ANO6: variants seen among roughly 807,000 people sequenced by gnomAD.
ANO6 encodes the protein anoctamin-6.
A neutral mutation model predicts 117.5 loss-of-function variants in ANO6; 106 were observed. The ratio of observed to expected loss-of-function variants is 0.90; its 90% CI spans 0.77 to 1.06. The LOEUF (loss-of-function observed/expected upper bound fraction) is 1.06, where lower values mean the gene tolerates loss of function less well. Among genes scored for constraint, ANO6 ranks in the 50% least tolerant of loss-of-function variants. The pLI, the probability that ANO6 is intolerant of heterozygous loss-of-function variation, is 0.00. For missense variants in ANO6, 955 were observed against 1,121.1 expected, an observed-to-expected ratio of 0.85 and a Z score of 2.12; for synonymous variants, 367 against 385.1, an observed-to-expected ratio of 0.95 and a Z score of 0.55.
chr12:45,220,816 C>A (rs1195521326), intron 1 of ANO6, among the ~76,000 whole-genome samples: 1 of 152,158 alleles, frequency 6.6e-6, no homozygotes, highest in Non-Finnish European at 1.5e-5. Flanking sequence ...GTTTGGACTT[C>A]CAGCCCCATC....
At chr12:45,392,929 A>C (rs1400338008) in intron 12 of ANO6, among the ~76,000 whole-genome samples, 1 of 152,212 alleles carries the variant, frequency 6.6e-6, no homozygotes, top group East Asian at 1.9e-4. Flanking sequence ...AAATCAGAGC[A>C]TCTCTTCCCC....
At chr12:45,274,985 A>C (rs576335989) in intron 1 of ANO6, among the ~76,000 whole-genome samples, 19 of 151,108 alleles carry the variant, frequency 1.3e-4, no homozygotes, top group Non-Finnish European at 2.4e-4. Context: ...TTTATCTCCA[A>C]CTGAAATTAG....
chr12:45,397,767 T>C (rs878856335), intron 12 of ANO6, among the ~76,000 whole-genome samples: 3 of 152,108 alleles, frequency 2.0e-5, no homozygotes, highest in South Asian at 2.1e-4. Flanking sequence ...TTCTCACTCA[T>C]AGGTGGGAAT....
intron 1 of ANO6, among the ~76,000 whole-genome samples, chr12:45,300,161 A>C (rs1939433336): frequency 1.3e-5 from 2 of 152,106 alleles, no homozygotes; most frequent in African/African-American, 2.4e-5. Flanking sequence ...GATAAATCAC[A>C]CACAATAAAA....
intron 1 of ANO6, among the ~76,000 whole-genome samples, chr12:45,220,917 C>T (rs901503980): frequency 2.6e-5 from 4 of 152,204 alleles, no homozygotes; most frequent in Middle Eastern, 3.2e-3. Context: ...TGTAATAAAG[C>T]CTCCATAAGA....
chr12:45,258,399 T>C (rs1937910929), intron 1 of ANO6, among the ~76,000 whole-genome samples: 1 of 152,182 alleles, frequency 6.6e-6, no homozygotes, highest in Non-Finnish European at 1.5e-5. Context: ...TTCTTGCCTT[T>C]TCTCCATTTT....
chr12:45,328,691 G>T (rs1359712742), intron 2 of ANO6, among the ~76,000 whole-genome samples: 1 of 152,004 alleles, frequency 6.6e-6, no homozygotes, highest in Non-Finnish European at 1.5e-5. Flanking sequence ...TATGTACCTG[G>T]ATTCACAATT....
chr12:45,292,496 T>A (rs1014424033), intron 1 of ANO6, among the ~76,000 whole-genome samples: 4 of 152,202 alleles, frequency 2.6e-5, no homozygotes, highest in African/African-American at 9.7e-5. Flanking sequence ...TGCAATAAAT[T>A]TTTTTAAGAT....
At chr12:45,289,783 T>C (rs1009487223) in intron 1 of ANO6, among the ~76,000 whole-genome samples, 1 of 152,194 alleles carries the variant, frequency 6.6e-6, no homozygotes, top group Non-Finnish European at 1.5e-5. Flanking sequence ...AGTCAATTAG[T>C]TTTTCATTTG....
chr12:45,391,570 TA>T (rs376796701), intron 12 of ANO6, among the ~76,000 whole-genome samples: 11 of 149,726 alleles, frequency 7.3e-5, no homozygotes, highest in Admixed American at 3.3e-4. Flanking sequence ...TCAAAAACAT[TA>T]AAAAAAAAAT....
intron 3 of ANO6, among the ~76,000 whole-genome samples, chr12:45,332,131 CA>C (rs1444364671): frequency 4.9e-4 from 74 of 152,150 alleles, no homozygotes; most frequent in African/African-American, 1.6e-3. Flanking sequence ...GGTTTATAAA[CA>C]ACTCCCTGGA....
intron 1 of ANO6, among the ~76,000 whole-genome samples, chr12:45,245,136 T>A (rs553095928): frequency 4.9e-4 from 74 of 152,288 alleles, no homozygotes; most frequent in Non-Finnish European, 9.1e-4. Context: ...TCTGATGAAA[T>A]TATGTATGTG....
intron 1 of ANO6, among the ~76,000 whole-genome samples, chr12:45,294,980 T>C (rs1452617661): frequency 6.6e-6 from 1 of 152,202 alleles, no homozygotes; most frequent in East Asian, 1.9e-4. Context: ...CATATATATG[T>C]CAGCTTATTC....
Position 45,421,642 on chromosome 12 carries a change from G to A in ANO6, c.2420+369G>A, listed in dbSNP as rs113139320. On this transcript the variant is annotated intron_variant, in intron 18 of 19. Transcript: ENST00000320560. ...TCATAGAAATAGAGAAACTTCAAGA[G>A]GTCCAAGAACCAAGATAATTCAGTT... Among the ~76,000 whole-genome samples, 4 of 152,220 alleles carry A rather than the reference G, an allele frequency of 2.6e-5. 1 individual carries two copies. The highest frequency in any genetic ancestry group is 7.2e-5 in the African/African-American group (3 of 41,558).
chr12:45,317,338 T>C (rs1351154183), intron 2 of ANO6, among the ~76,000 whole-genome samples: 1 of 131,490 alleles, frequency 7.6e-6, no homozygotes, highest in East Asian at 2.4e-4. Context: ...GTTCTCATTG[T>C]TCAATTCCCA....
downstream of ANO6, among the ~76,000 whole-genome samples, chr12:45,433,783 G>C (rs1286105084): frequency 6.6e-6 from 1 of 152,190 alleles, no homozygotes; most frequent in East Asian, 1.9e-4. Context: ...AAGGAGAACT[G>C]ACCCCACCCA....
chr12:45,408,507 G>A (rs531060914), intron 15 of ANO6, among the ~76,000 whole-genome samples: 2 of 152,316 alleles, frequency 1.3e-5, no homozygotes, highest in Non-Finnish European at 2.9e-5. Context: ...GTAGCTCAGC[G>A]GGGCAGTATC....
intron 3 of ANO6, among the ~76,000 whole-genome samples, chr12:45,338,294 A>G (rs1940883583): frequency 6.6e-6 from 1 of 152,134 alleles, no homozygotes; most frequent in African/African-American, 2.4e-5. Flanking sequence ...GCATGATTGC[A>G]TAGACTAAAA....
Position 45,216,333 on chromosome 12 carries a change from G to C in ANO6, c.12G>C (p.Met4Ile), listed in dbSNP as rs778457100. 3 of 1,612,350 alleles carry C rather than the reference G, an allele frequency of 1.9e-6. No individual in the cohort carries two copies. The highest frequency in any genetic ancestry group is 1.1e-5 in the South Asian group (1 of 90,754). The change falls in exon 1 of 20, where the codon ATG becomes ATC. Residue 4 changes from methionine to isoleucine, a missense_variant. Physicochemically the swap from Met to Ile is conservative, Grantham distance 10. Coordinates refer to ENST00000320560, the MANE Select transcript of ANO6 (RefSeq NM_001025356.3). ...CTTCTGAGGGAGACATGAAAAAGAT[G>C]AGCAGGAATGTTTTGCTACAAATGG... MKK[M>I]SRNVLLQMEE...
Sources: allele counts gnomAD v4.1 joint callset (sites outside exome capture counted in the v4.1 genomes callset), GRCh38; gene constraint gnomAD v4.1.1; transcripts MANE v1.5; gene names NCBI Gene and HGNC (gene_info 2026-07-23, HGNC 2026-07-21).